Variants in NRXN2 observed in about 807,000 individuals in gnomAD.
NRXN2 encodes the protein neurexin-2-beta.
Under a neutral mutation model 128.8 loss-of-function variants are expected in NRXN2, and 29 were observed. The observed-to-expected ratio is 0.23, with a 90% CI of 0.17 to 0.31. The LOEUF (loss-of-function observed/expected upper bound fraction) is 0.31, where lower values mean the gene tolerates loss of function less well. Ranked by LOEUF, NRXN2 falls within the 10% of genes least tolerant of loss-of-function variation. The pLI, the probability that NRXN2 is intolerant of heterozygous loss-of-function variation, is 1.00. For synonymous variants in NRXN2, 1,098 were observed against 1,075.2 expected (o/e 1.02, Z -0.41); for missense variants, 1,881 against 2,452.6 (o/e 0.77, Z 4.92).
chr11:64,688,816 C>T lies in NRXN2; in HGVS notation c.850+1589G>A, dbSNP rs368240800. On this transcript the variant is annotated intron_variant, in intron 5 of 22. Transcript: ENST00000265459. Reference sequence around the variant, plus strand: ...GCATGAGGGACAAAGCAGCTGCCTTCTTTCCAGGCCCAGCTCCCAGACCTC... The same window carrying T: ...GCATGAGGGACAAAGCAGCTGCCTTTTTTCCAGGCCCAGCTCCCAGACCTC... The T allele has an allele frequency of 3.1e-5, 31 of 985,298 alleles. No individual in the cohort carries two copies. The East Asian group carries it at 6.8e-4, about 22-fold the overall frequency. The allele number at this position is 985,298 out of a possible 1,614,324, so 61.0% of individuals were successfully genotyped here.
intron 17 of NRXN2, among the ~76,000 whole-genome samples, chr11:64,642,164 G>C (rs568589799): frequency 1.3e-5 from 2 of 152,092 alleles, no homozygotes; most frequent in South Asian, 4.2e-4. Context: ...GGCCGAGATG[G>C]AGAAGGTGAT....
chr11:64,641,350 A>G (rs2045636668), intron 17 of NRXN2, among the ~76,000 whole-genome samples: 1 of 152,068 alleles, frequency 6.6e-6, no homozygotes, highest in Non-Finnish European at 1.5e-5. Flanking sequence ...AGAGATGGGA[A>G]GTGATGAATA....
intron 17 of NRXN2, chr11:64,637,269 AGGT>A (rs2135397286): frequency 6.6e-6 from 1 of 152,384 alleles, no homozygotes; most frequent in South Asian, 2.1e-4. Flanking sequence ...CCCCAGACCC[AGGT>A]GTCCTTTCTA....
chr11:64,663,983 G>A (rs747597264), intron 9 of NRXN2, among the ~76,000 whole-genome samples: 3 of 152,216 alleles, frequency 2.0e-5, no homozygotes, highest in Admixed American at 6.5e-5. Context: ...CGGAGGTACC[G>A]AGAGTAGCCA....
At chr11:64,710,229 ACT>A (rs530864893) in intron 2 of NRXN2, among the ~76,000 whole-genome samples, 2 of 149,814 alleles carry the variant, frequency 1.3e-5, no homozygotes, top group Non-Finnish European at 3.0e-5. Context: ...TTCTTACATG[ACT>A]CTCTCTCACA....
intron 1 of NRXN2, among the ~76,000 whole-genome samples, chr11:64,715,985 G>C (rs748596945): frequency 9.2e-5 from 14 of 151,834 alleles, no homozygotes; most frequent in Non-Finnish European, 1.5e-4. Context: ...CTCAGGCATG[G>C]GGGGAGGGAA....
rs2042451858 is a variant in NRXN2, at chr11:64,622,202, C to A, written c.4173+551G>T. 6.6e-6 allele frequency among the ~76,000 whole-genome samples: 1 copy of A among 152,170 alleles called. No homozygotes were observed. Among genetic ancestry groups the A allele is most frequent in the Admixed American group, 6.5e-5 (1 of 15,280 alleles). ...GAAGGCAATGGACTTGCAGCCAGGG[C>A]TTTCCCACTGCAGGGACCCCAGCAA... is the stretch of plus-strand genomic sequence containing the variant. On this transcript the variant is annotated intron_variant, in intron 21 of 22. Coordinates refer to ENST00000265459, the MANE Select transcript of NRXN2 (RefSeq NM_015080.4). The surrounding 1 kb of genome is among the most constrained non-coding windows in gnomAD (Gnocchi z 4.3).
intron 17 of NRXN2, among the ~76,000 whole-genome samples, chr11:64,638,277 T>G (rs1412459494): frequency 6.6e-6 from 1 of 152,180 alleles, no homozygotes; most frequent in Non-Finnish European, 1.5e-5. Context: ...TTTATTACAC[T>G]GTGGGGGGAC....
rs963033893 is a variant in NRXN2, at chr11:64,606,309, A to T, written c.*887T>A. 1 of 152,488 alleles carries T rather than the reference A, an allele frequency of 6.6e-6. No homozygotes were observed. The highest frequency in any genetic ancestry group is 3.2e-3 in the Middle Eastern group (1 of 316). The allele number at this position is 152,488 out of a possible 1,614,324, so 9.4% of individuals were successfully genotyped here. A position where few individuals can be genotyped will look rare whatever the true frequency, so the allele number is the denominator to read the frequency against. On this transcript the variant is annotated 3_prime_UTR_variant, in exon 23 of 23. Transcript: ENST00000265459. ...CAGGGAGCCCGTGGGCAAAGAAGTGACCCCAGCAGTCTGTGGACAATGCCT... is the reference window on the plus strand; with the variant it reads ...CAGGGAGCCCGTGGGCAAAGAAGTGTCCCCAGCAGTCTGTGGACAATGCCT...
In NRXN2 at chr11:64,660,561, G is replaced by A; in HGVS notation, c.2186-26C>T. ...CTGCCCACAGGAGTTGGGGAAGAGG[G>A]AAGGAGAAGACAGGCAGAGGCCAGG... On this transcript the variant is annotated intron_variant, in intron 10 of 22. Transcript: ENST00000265459. The surrounding 1 kb of genome is among the most constrained non-coding windows in gnomAD (Gnocchi z 5.2). 2.5e-6 allele frequency: 4 copies of A among 1,611,888 alleles called. No homozygotes were observed. The Middle Eastern group carries it at 5.0e-4, about 200-fold the overall frequency.
chr11:64,624,782 T>C (rs2042865464), intron 20 of NRXN2, among the ~76,000 whole-genome samples: 1 of 152,250 alleles, frequency 6.6e-6, no homozygotes, highest in Non-Finnish European at 1.5e-5. Flanking sequence ...CTCATGGGAC[T>C]GTTTCACAGG....
chr11:64,619,478 G>A (rs988694332), intron 22 of NRXN2, among the ~76,000 whole-genome samples: 7 of 151,554 alleles, frequency 4.6e-5, no homozygotes, highest in Non-Finnish European at 7.4e-5. Flanking sequence ...GGCCACCCCC[G>A]CTTTGCCAGC....
At chr11:64,655,864 A>G (rs1180858674) in intron 11 of NRXN2, among the ~76,000 whole-genome samples, 1 of 152,138 alleles carries the variant, frequency 6.6e-6, no homozygotes, top group East Asian at 1.9e-4. Flanking sequence ...ACATTCACCA[A>G]AGTTCAGGGG....
At chr11:64,645,781 C>T (rs1180782490) in intron 17 of NRXN2, among the ~76,000 whole-genome samples, 1 of 152,122 alleles carries the variant, frequency 6.6e-6, no homozygotes, top group Non-Finnish European at 1.5e-5. Flanking sequence ...TAGTCTCTCC[C>T]CCACCAGACA....
intron 3 of NRXN2, among the ~76,000 whole-genome samples, chr11:64,696,338 A>G (rs1241394020): frequency 6.6e-6 from 1 of 152,124 alleles, no homozygotes; most frequent in Non-Finnish European, 1.5e-5. Flanking sequence ...GATGCTCTAC[A>G]TAGGCATACA....
intron 7 of NRXN2, among the ~76,000 whole-genome samples, chr11:64,671,559 G>A (rs367618166): frequency 2.6e-5 from 4 of 152,180 alleles, no homozygotes; most frequent in Admixed American, 6.5e-5. Flanking sequence ...GGAGGGGGCC[G>A]TGCGACACAG....
chr11:64,657,290 T>C (rs2048409094), intron 11 of NRXN2, among the ~76,000 whole-genome samples: 1 of 152,214 alleles, frequency 6.6e-6, no homozygotes, highest in South Asian at 2.1e-4. Context: ...TGACGCCTTG[T>C]GGTTCAGAGA....
intron 17 of NRXN2, chr11:64,642,768 C>T: frequency 8.3e-7 from 1 of 1,207,754 alleles, no homozygotes; most frequent in Non-Finnish European, 1.0e-6. Flanking sequence ...GGGGGCGGCG[C>T]GGGCACCCCC....
At chr11:64,694,989 G>C (rs2957563) in intron 3 of NRXN2, among the ~76,000 whole-genome samples, 1 of 152,096 alleles carries the variant, frequency 6.6e-6, no homozygotes, top group Non-Finnish European at 1.5e-5. Context: ...GTTAGCATTC[G>C]GCAGTCTCCC....
Sources: allele counts gnomAD v4.1 joint callset (sites outside exome capture counted in the v4.1 genomes callset), GRCh38; gene constraint gnomAD v4.1.1; non-coding constraint Gnocchi (gnomAD v3.1); transcripts MANE v1.5; gene names NCBI Gene and HGNC (gene_info 2026-07-23, HGNC 2026-07-21).